The following VAV3 variants were observed in gnomAD, a reference collection of about 807,000 sequenced individuals.
VAV3 encodes guanine nucleotide exchange factor VAV3.
VAV3 carries 94 observed loss-of-function variants against 131.2 expected under a neutral mutation model. The observed-to-expected ratio is 0.72, with a 90% confidence interval of 0.61 to 0.85. The LOEUF (loss-of-function observed/expected upper bound fraction) is 0.85, where lower values mean the gene tolerates loss of function less well. Ranked by LOEUF, VAV3 falls within the 40% of genes least tolerant of loss-of-function variation. VAV3 has a pLI of 0.00. For synonymous variants in VAV3, 349 were observed against 342.0 expected (o/e 1.02, Z -0.22); for missense variants, 939 against 1,002.7 (o/e 0.94, Z 0.86).
chr1:107,906,820 A>T (rs1672133042), intron 1 of VAV3, among the ~76,000 whole-genome samples: 1 of 152,194 alleles, frequency 6.6e-6, no homozygotes, highest in Non-Finnish European at 1.5e-5. Flanking sequence ...GAAGAAGGAA[A>T]GAAGGAAGTG....
chr1:107,888,724 G>T (rs935453645), intron 1 of VAV3, among the ~76,000 whole-genome samples: 1 of 152,128 alleles, frequency 6.6e-6, no homozygotes, highest in Non-Finnish European at 1.5e-5. Flanking sequence ...CTCCCAAAGT[G>T]CTGGGATTAC....
At chr1:107,877,264 G>A (rs749942605) in intron 1 of VAV3, among the ~76,000 whole-genome samples, 1 of 152,152 alleles carries the variant, frequency 6.6e-6, no homozygotes, top group Non-Finnish European at 1.5e-5. Context: ...TAAAAGCCTT[G>A]TATTCTACCA....
intron 19 of VAV3, among the ~76,000 whole-genome samples, chr1:107,676,186 G>GT (rs1391053121): frequency 1.3e-5 from 2 of 152,182 alleles, no homozygotes; most frequent in Non-Finnish European, 2.9e-5. Flanking sequence ...AAAATTCCAT[G>GT]TGGACAAGCT....
At chr1:107,895,708 T>G (rs1300141297) in intron 1 of VAV3, among the ~76,000 whole-genome samples, 1 of 152,184 alleles carries the variant, frequency 6.6e-6, no homozygotes, top group Non-Finnish European at 1.5e-5. Flanking sequence ...TGTAAAAGAC[T>G]TACAATAAAT....
chr1:107,755,500 T>C lies in VAV3; in HGVS notation c.1100A>G (p.Tyr367Cys), dbSNP rs1208675911. The C allele has an allele frequency of 3.7e-6, 6 of 1,613,316 alleles. No homozygotes were observed. The highest frequency in any genetic ancestry group is 5.1e-6 in the Non-Finnish European group (6 of 1,179,416). ...ALDAMKDLAQYVNEVKRDNET... is the reference protein window; with the variant it reads ...ALDAMKDLAQCVNEVKRDNET... ...ATTATCTCTTTTCACTTCATTCACA[T>C]ATTGTGCCAAGTCCTAGACAATAAA... Residue 367 changes from tyrosine to cysteine, a missense_variant, in exon 12 of 27, where the codon TAT becomes TGT. Coordinates refer to ENST00000370056, the MANE Select transcript of VAV3 (RefSeq NM_006113.5).
At chr1:107,611,203 T>C (rs943924053) in intron 21 of VAV3, among the ~76,000 whole-genome samples, 1 of 152,210 alleles carries the variant, frequency 6.6e-6, no homozygotes, top group African/African-American at 2.4e-5. Flanking sequence ...CTTAAAAAGT[T>C]TGGACTTTAG....
At chr1:107,773,030 A>G (rs758920908) in intron 4 of VAV3, among the ~76,000 whole-genome samples, 187 bp from the exon 5 acceptor site, 1 of 152,248 alleles carries the variant, frequency 6.6e-6, no homozygotes, top group Non-Finnish European at 1.5e-5. Context: ...ACAGAATCCA[A>G]TAACGAGGGC....
At chr1:107,805,125 T>C (rs1470534734) in intron 2 of VAV3, among the ~76,000 whole-genome samples, 1 of 152,196 alleles carries the variant, frequency 6.6e-6, no homozygotes, top group Non-Finnish European at 1.5e-5. Flanking sequence ...GAGTTTATTA[T>C]GCTTCTTGGT....
intron 2 of VAV3, among the ~76,000 whole-genome samples, chr1:107,871,717 T>C (rs1392126277): frequency 1.3e-5 from 2 of 152,130 alleles, no homozygotes; most frequent in African/African-American, 2.4e-5. Context: ...TAACACTGTT[T>C]CCAGGATTTT....
At chr1:107,841,272 T>G (rs1668694135) in intron 2 of VAV3, among the ~76,000 whole-genome samples, 1 of 151,982 alleles carries the variant, frequency 6.6e-6, no homozygotes, top group Non-Finnish European at 1.5e-5. Flanking sequence ...GTTCATATTC[T>G]GGTGTATTTA....
At chr1:107,768,395 T>C (rs1006435219) in intron 7 of VAV3, 46 bp downstream of exon 7, 2 of 1,466,332 alleles carry the variant, frequency 1.4e-6, no homozygotes, top group Non-Finnish European at 1.9e-6. Context: ...GAAATGAAGA[T>C]TTTATTGAAG....
At chr1:107,766,297 A>G (rs986418029) in intron 8 of VAV3, 150 bp downstream of exon 8, 3 of 586,764 alleles carry the variant, frequency 5.1e-6, no homozygotes, top group Non-Finnish European at 9.0e-6. Flanking sequence ...AACTCAAACT[A>G]CTACTCTGAA....
rs544371457 is a variant in VAV3, at chr1:107,960,119, T to A, written c.204+4547A>T. The stretch of plus-strand genomic sequence containing the variant: ...AATGATGTATTAGCCTGGCCACTTC[T>A]ATCCTTGCTGCTCTCCAGTCTGTTC... On this transcript the variant is annotated intron_variant, in intron 1 of 26. Transcript: ENST00000370056. 3.9e-5 allele frequency among the ~76,000 whole-genome samples: 6 copies of A among 152,346 alleles called. No individual in the cohort carries two copies. The South Asian group carries it at 1.0e-3, about 26-fold the overall frequency.
intron 21 of VAV3, among the ~76,000 whole-genome samples, chr1:107,614,320 T>C (rs1343301122): frequency 6.6e-6 from 1 of 151,980 alleles, no homozygotes; most frequent in Non-Finnish European, 1.5e-5. Flanking sequence ...TGCAGGAAAA[T>C]AAATTTTAAG....
At chr1:107,713,374 AC>A (rs1660901161) in intron 15 of VAV3, among the ~76,000 whole-genome samples, 1 of 152,090 alleles carries the variant, frequency 6.6e-6, no homozygotes, top group Non-Finnish European at 1.5e-5. Flanking sequence ...AATAAAAAAA[AC>A]ACATAAAAAA....
chr1:107,659,104 T>C (rs1248600047), intron 19 of VAV3, among the ~76,000 whole-genome samples: 1 of 152,124 alleles, frequency 6.6e-6, no homozygotes, highest in African/African-American at 2.4e-5. Context: ...AAGTCTTTAA[T>C]CCATCTTGAA....
intron 25 of VAV3, among the ~76,000 whole-genome samples, chr1:107,584,296 A>G (rs888360514): frequency 1.8e-4 from 28 of 152,250 alleles, no homozygotes; most frequent in African/African-American, 6.8e-4. Context: ...ACCTAAAACC[A>G]TAAAAGCCCT....
intron 5 of VAV3, 118 bp downstream of exon 5, chr1:107,772,617 A>T: frequency 1.3e-6 from 1 of 760,240 alleles, no homozygotes; most frequent in Non-Finnish European, 2.1e-6. Flanking sequence ...ATAATTATAT[A>T]GTTATAAGCA....
chr1:107,688,460 A>G (rs776410919), intron 17 of VAV3, 54 bp from the exon 18 acceptor site: 1 of 1,609,574 alleles, frequency 6.2e-7, no homozygotes, highest in Non-Finnish European at 8.5e-7. Flanking sequence ...TTGTTTGGTT[A>G]GCAACCTTAG....
Sources: gnomAD v4.1 joint callset for allele counts (sites outside exome capture counted in the v4.1 genomes callset) on GRCh38, gnomAD v4.1.1 for gene constraint, MANE v1.5 for transcripts, NCBI Gene and HGNC (gene_info 2026-07-23, HGNC 2026-07-21) for gene names.